The following STK32B variants were observed in gnomAD, a reference collection of about 807,000 sequenced individuals.
The protein encoded by STK32B is serine/threonine-protein kinase 32B.
STK32B carries 43 observed loss-of-function variants against 52.6 expected under a neutral mutation model. That is an observed-to-expected ratio of 0.82 (90% confidence interval 0.64 to 1.05). The LOEUF (loss-of-function observed/expected upper bound fraction) is 1.05. STK32B is among the 50% of genes least tolerant of loss of function. The pLI, the probability that STK32B is intolerant of heterozygous loss-of-function variation, is 0.00. For synonymous variants in STK32B, 238 were observed against 204.3 expected, an observed-to-expected ratio of 1.17 and a Z score of -1.41; for missense variants, 621 against 534.6, an observed-to-expected ratio of 1.16 and a Z score of -1.59.
intron 4 of STK32B, among the ~76,000 whole-genome samples, chr4:5,346,354 G>A (rs1733457636): frequency 6.6e-6 from 1 of 152,140 alleles, no homozygotes; most frequent in East Asian, 1.9e-4. Flanking sequence ...TCAAACAGTG[G>A]CTTTAGTGGC....
intron 4 of STK32B, among the ~76,000 whole-genome samples, chr4:5,374,782 G>GTC (rs1735476434): frequency 6.6e-6 from 1 of 150,668 alleles, no homozygotes; most frequent in Non-Finnish European, 1.5e-5. Context: ...ACGGGGGCGG[G>GTC]GGGGGAACAC....
At chr4:5,327,010 G>A (rs1358405028) in intron 3 of STK32B, among the ~76,000 whole-genome samples, 2 of 152,078 alleles carry the variant, frequency 1.3e-5, no homozygotes, top group Non-Finnish European at 2.9e-5. Context: ...AATGTGTACA[G>A]CACCTTCATC....
intron 2 of STK32B, among the ~76,000 whole-genome samples, chr4:5,165,812 C>T (rs1455726863): frequency 6.6e-6 from 1 of 152,142 alleles, no homozygotes; most frequent in African/African-American, 2.4e-5. Context: ...TGTGGGCCTT[C>T]GACCTCATGC....
intron 3 of STK32B, among the ~76,000 whole-genome samples, chr4:5,280,060 T>C (rs1818153): frequency 0.13 from 20,433 of 152,192 alleles, 3,133 homozygotes; most frequent in African/African-American, 0.37. Context: ...GGCTCTTCTT[T>C]ACTTATGCAC....
At chr4:5,332,535 T>G (rs56307726) in intron 4 of STK32B, among the ~76,000 whole-genome samples, 47,061 of 151,886 alleles carry the variant, frequency 0.31, 11,556 homozygotes, top group African/African-American at 0.67. Context: ...TAGGGTACAT[T>G]TGCACAATGT....
chr4:5,327,158 C>G (rs1183434764), intron 3 of STK32B, among the ~76,000 whole-genome samples: 1 of 151,904 alleles, frequency 6.6e-6, no homozygotes, highest in Non-Finnish European at 1.5e-5. Flanking sequence ...GATTCTAGTA[C>G]TTTTGCTACT....
intron 3 of STK32B, among the ~76,000 whole-genome samples, chr4:5,240,145 G>A (rs933717567): frequency 2.0e-5 from 3 of 149,192 alleles, no homozygotes; most frequent in Non-Finnish European, 4.4e-5. Context: ...GCCTAAATAT[G>A]ATTTCTTTGT....
chr4:5,200,146 C>A (rs1194856044), intron 3 of STK32B, among the ~76,000 whole-genome samples: 1 of 152,056 alleles, frequency 6.6e-6, no homozygotes, highest in Non-Finnish European at 1.5e-5. Context: ...AGTTCTTACA[C>A]TCAAAATGTG....
At chr4:5,178,177 G>A (rs1720075082) in intron 3 of STK32B, among the ~76,000 whole-genome samples, 1 of 152,216 alleles carries the variant, frequency 6.6e-6, no homozygotes, top group East Asian at 1.9e-4. Context: ...TACATCCTCT[G>A]AAATCTAGGC....
Position 5,490,111 on chromosome 4 carries a change from A to ATT in STK32B, c.1107-8821_1107-8820dup, listed in dbSNP as rs36009435. On this transcript the variant is annotated intron_variant, in intron 11 of 11. Coordinates refer to ENST00000282908, the MANE Select transcript of STK32B (RefSeq NM_018401.3). ...GATCTTTTTGTTGTTTTAAGTAGGC[A>ATT]TTTTTTTTTTTTTTCTAGACAGTCT... Among the ~76,000 whole-genome samples the ATT allele has an allele frequency of 4.4e-3, 633 of 143,342 alleles. 3 individuals are homozygous for ATT. The highest frequency in any genetic ancestry group is 0.015 in the African/African-American group (589 of 38,796). 94.0% of individuals were successfully genotyped at this position (143,342 alleles called of 152,430 possible).
chr4:5,256,554 C>G (rs1291842191), intron 3 of STK32B, among the ~76,000 whole-genome samples: 1 of 152,210 alleles, frequency 6.6e-6, no homozygotes, highest in Non-Finnish European at 1.5e-5. Flanking sequence ...CAAAGCATTA[C>G]TTGCTCTCTG....
intron 8 of STK32B, among the ~76,000 whole-genome samples, chr4:5,457,607 C>G (rs958902787): frequency 3.4e-5 from 5 of 148,130 alleles, no homozygotes; most frequent in African/African-American, 1.2e-4. Flanking sequence ...GTGTCTCACG[C>G]CTGTAATTCC....
intron 3 of STK32B, among the ~76,000 whole-genome samples, chr4:5,327,650 T>TA (rs957303509): frequency 6.6e-6 from 1 of 152,114 alleles, no homozygotes; most frequent in East Asian, 1.9e-4. Context: ...TGGGGTTTTT[T>TA]ATTCCACTTA....
chr4:5,246,116 G>C (rs532404528), intron 3 of STK32B, among the ~76,000 whole-genome samples: 1 of 152,102 alleles, frequency 6.6e-6, no homozygotes, highest in Non-Finnish European at 1.5e-5. Context: ...TTGAATGTTG[G>C]CCTGCCTTGC....
chr4:5,164,845 C>G (rs539734496), intron 2 of STK32B, among the ~76,000 whole-genome samples: 40 of 152,346 alleles, frequency 2.6e-4, no homozygotes, highest in Admixed American at 2.0e-3. Context: ...CCACTTGTCT[C>G]CACTCAGTGC....
In STK32B at chr4:5,139,890, T is replaced by C; in HGVS notation, c.53-15T>C. 1 of 1,614,216 alleles carries C rather than the reference T, an allele frequency of 6.2e-7. No homozygotes were observed. Among genetic ancestry groups the C allele is most frequent in the East Asian group, 2.2e-5 (1 of 44,888 alleles). Reference sequence around the variant, plus strand: ...AGCAAATCTGACTTGTTTCCTTTTTTGTTTTCTTTTGCAGTCAACTTTGAC... The same window carrying C: ...AGCAAATCTGACTTGTTTCCTTTTTCGTTTTCTTTTGCAGTCAACTTTGAC... On this transcript the variant is annotated splice_polypyrimidine_tract_variant and intron_variant, in intron 1 of 11. Transcript: ENST00000282908.
intron 3 of STK32B, among the ~76,000 whole-genome samples, chr4:5,248,974 T>C (rs1725675968): frequency 6.6e-6 from 1 of 151,982 alleles, no homozygotes; most frequent in Non-Finnish European, 1.5e-5. Flanking sequence ...ATATACCTAA[T>C]GTAAAGGACG....
At chr4:5,293,684 A>AT (rs144089200) in intron 3 of STK32B, among the ~76,000 whole-genome samples, 15,714 of 151,968 alleles carry the variant, frequency 0.1, 1,774 homozygotes, top group African/African-American at 0.28. Flanking sequence ...GATTTTGGGT[A>AT]TTAGCCCTTT....
At chr4:5,435,558 T>A (rs1056761154) in intron 6 of STK32B, 2 of 152,210 alleles carry the variant, frequency 1.3e-5, no homozygotes, top group African/African-American at 4.8e-5. Context: ...TCCTTAAAGA[T>A]TAACTGTTTT....
Sources: allele counts gnomAD v4.1 joint callset (sites outside exome capture counted in the v4.1 genomes callset), GRCh38; gene constraint gnomAD v4.1.1; transcripts MANE v1.5; gene names NCBI Gene and HGNC (gene_info 2026-07-23, HGNC 2026-07-21).